The following MYO16 variants were observed in gnomAD, a reference collection of about 807,000 sequenced individuals.
MYO16 encodes myosin XVI.
A neutral mutation model predicts 205.3 loss-of-function variants in MYO16; 94 were observed. That is an observed-to-expected ratio of 0.46 (90% CI 0.39 to 0.54). MYO16 has a LOEUF of 0.54. Ranked by LOEUF, MYO16 falls within the 20% of genes least tolerant of loss-of-function variation. The pLI is 0.00. For synonymous variants in MYO16, 988 were observed against 954.0 expected, an observed-to-expected ratio of 1.04 and a Z score of -0.66; for missense variants, 2,315 against 2,387.5, an observed-to-expected ratio of 0.97 and a Z score of 0.63.
chr13:108,604,917 G>A (rs534620507), intron 1 of MYO16, among the ~76,000 whole-genome samples: 1 of 152,286 alleles, frequency 6.6e-6, no homozygotes, highest in Admixed American at 6.5e-5. Context: ...TTGGATGGAT[G>A]GATTGGTGGT....
chr13:108,552,590 T>A, the MYO16 span, among the ~76,000 whole-genome samples: 6 of 152,170 alleles, frequency 3.9e-5, no homozygotes, highest in African/African-American at 1.4e-4. Context: ...TGTTTGTGTA[T>A]CTTGCCTTTA....
intron 23 of MYO16, among the ~76,000 whole-genome samples, chr13:109,022,923 T>TTA (rs1454396329): frequency 7.4e-6 from 1 of 135,162 alleles, no homozygotes; most frequent in Non-Finnish European, 1.5e-5. Context: ...CATTTATATA[T>TTA]TATATACACA....
In MYO16 at chr13:109,021,534, A is replaced by G. The variant is rs61970227; in HGVS notation, c.2796+1623A>G. ...TACTTCTGAGTCTTGTGCCATCATAACAGACTGGTGGAAGCTAAAGAGCAA... is the reference window on the plus strand; with the variant it reads ...TACTTCTGAGTCTTGTGCCATCATAGCAGACTGGTGGAAGCTAAAGAGCAA... On this transcript the variant is annotated intron_variant, in intron 23 of 34. Transcript: ENST00000457511. Among the ~76,000 whole-genome samples, 1,154 of 152,268 alleles carry G rather than the reference A, an allele frequency of 7.6e-3. 9 individuals are homozygous for G. The highest frequency in any genetic ancestry group is 0.014 in the Non-Finnish European group (943 of 68,016).
intron 27 of MYO16, among the ~76,000 whole-genome samples, chr13:109,062,277 T>G (rs892754768): frequency 6.6e-6 from 1 of 152,176 alleles, no homozygotes; most frequent in Non-Finnish European, 1.5e-5. Context: ...GAGGATCGTA[T>G]CGTATTCATT....
chr13:108,632,182 A>T (rs554670028), intron 1 of MYO16, among the ~76,000 whole-genome samples: 26 of 151,514 alleles, frequency 1.7e-4, no homozygotes, highest in African/African-American at 6.1e-4. Flanking sequence ...GATGCGTAAG[A>T]TTTTCCCAAA....
In MYO16 at chr13:108,617,487, C is replaced by T. The variant is rs138953487; in HGVS notation, c.-39+21248C>T. Among the ~76,000 whole-genome samples the T allele has an allele frequency of 8.5e-5, 13 of 152,220 alleles. No individual in the cohort carries two copies. The East Asian group carries it at 2.1e-3, about 25-fold the overall frequency. On this transcript the variant is annotated intron_variant, in intron 1 of 24. Coordinates refer to the MYO16 transcript ENST00000251041. ...TGTGTATACCTGAGTAGTTTTACTC[C>T]TCCTCACTATAGCACTGAACAACCT... is the stretch of plus-strand genomic sequence containing the variant.
At chr13:109,143,341 C>T (rs1877189495) in intron 32 of MYO16, among the ~76,000 whole-genome samples, 1 of 152,084 alleles carries the variant, frequency 6.6e-6, no homozygotes, top group African/African-American at 2.4e-5. Context: ...GACAAATAAG[C>T]TAATTGTTTG....
At chr13:108,534,872 CCTT>C in the MYO16 span, among the ~76,000 whole-genome samples, 15 of 148,350 alleles carry the variant, frequency 1.0e-4, no homozygotes, top group South Asian at 2.2e-4. Flanking sequence ...TCCTTCTTCT[CCTT>C]CTTCTTCTTC....
chr13:108,656,269 A>T (rs1372806804), intron 1 of MYO16, among the ~76,000 whole-genome samples: 2 of 152,084 alleles, frequency 1.3e-5, no homozygotes, highest in Non-Finnish European at 2.9e-5. Context: ...AGGAGATCTG[A>T]TGGTTTTATC....
chr13:108,661,173 C>A (rs933015069), intron 1 of MYO16, among the ~76,000 whole-genome samples: 1 of 152,126 alleles, frequency 6.6e-6, no homozygotes, highest in African/African-American at 2.4e-5. Flanking sequence ...GATAGGTTTT[C>A]TTTCTTAGGT....
In MYO16 at chr13:109,140,898, G is replaced by C. The variant is rs80260507; in HGVS notation, c.4686G>C (p.Pro1562=). The C allele has an allele frequency of 0.09, 143,628 of 1,588,058 alleles. 7,389 individuals are homozygous for C. Among genetic ancestry groups the C allele is most frequent in the Non-Finnish European group, 0.1 (122,506 of 1,169,042 alleles). Residue 1562 remains proline, a synonymous_variant, in exon 32 of 35, where the codon CCG becomes CCC. Coordinates refer to ENST00000457511, the MANE Select transcript of MYO16 (RefSeq NM_001198950.3). This position sits in a 1 kb window ranked among gnomAD's most constrained non-coding sequence, Gnocchi z 8.0. The stretch of plus-strand genomic sequence containing the variant: ...CGGAGGGGTCGAGCCCGCTGTCCCC[G>C]CAGTACTCCAAGAGCCAGAAGGGCG... ...VQPEGSSPLS[P]QYSKSQKGDG... is the part of the protein sequence containing the mutation.
At chr13:109,085,363 C>T (rs1307877867) in intron 27 of MYO16, among the ~76,000 whole-genome samples, 1 of 152,086 alleles carries the variant, frequency 6.6e-6, no homozygotes, top group Non-Finnish European at 1.5e-5. Context: ...ACGACATAAA[C>T]TTTCGAGATG....
rs372504718 is a variant in MYO16 at position 108,922,888 on chromosome 13, C to T, written c.1925+12738C>T. 5.3e-5 allele frequency among the ~76,000 whole-genome samples: 8 copies of T among 152,082 alleles called. No homozygotes were observed. In the East Asian group the frequency reaches 9.6e-4, roughly 18 times the overall value. Reference sequence around the variant, plus strand: ...CACTGAGTTTAGGAGGGAGACTATACGAAAACCTTGACATATGTTATCTCC... The same window carrying T: ...CACTGAGTTTAGGAGGGAGACTATATGAAAACCTTGACATATGTTATCTCC... On this transcript the variant is annotated intron_variant, in intron 16 of 34. Coordinates refer to ENST00000457511, the MANE Select transcript of MYO16 (RefSeq NM_001198950.3).
At chr13:108,887,886 C>G (rs1879976059) in intron 13 of MYO16, among the ~76,000 whole-genome samples, 1 of 151,824 alleles carries the variant, frequency 6.6e-6, no homozygotes, top group Non-Finnish European at 1.5e-5. Flanking sequence ...CCTGTAAGGC[C>G]CATGAAGCAT....
intron 16 of MYO16, among the ~76,000 whole-genome samples, chr13:108,920,590 C>G (rs1365436247): frequency 6.6e-6 from 1 of 152,148 alleles, no homozygotes; most frequent in Non-Finnish European, 1.5e-5. Context: ...TCCCGAGTAG[C>G]TGGGATTACA....
intron 34 of MYO16, among the ~76,000 whole-genome samples, chr13:109,194,789 A>C (rs1880076996): frequency 6.6e-6 from 1 of 152,178 alleles, no homozygotes; most frequent in South Asian, 2.1e-4. Flanking sequence ...CAGTGGCATT[A>C]AAGATTTTTG....
chr13:108,903,355 A>G (rs1030008274), intron 15 of MYO16, among the ~76,000 whole-genome samples: 1 of 144,842 alleles, frequency 6.9e-6, no homozygotes, highest in Non-Finnish European at 1.5e-5. Context: ...TAGGAAAAAC[A>G]TCATGTATAC....
intron 3 of MYO16, among the ~76,000 whole-genome samples, chr13:108,724,720 G>C (rs569879332): frequency 1.1e-4 from 16 of 151,958 alleles, no homozygotes; most frequent in Non-Finnish European, 1.6e-4. Context: ...TGTTTCAGGT[G>C]GCATCCTACC....
chr13:108,765,590 T>G (rs1222436099), intron 4 of MYO16, among the ~76,000 whole-genome samples: 1 of 152,198 alleles, frequency 6.6e-6, no homozygotes, highest in Non-Finnish European at 1.5e-5. Flanking sequence ...CATGACTTTC[T>G]GTCTGCAGTA....
Sources: gnomAD v4.1 joint callset for allele counts (sites outside exome capture counted in the v4.1 genomes callset) on GRCh38, gnomAD v4.1.1 for gene constraint, Gnocchi (gnomAD v3.1) non-coding constraint, MANE v1.5 for transcripts, NCBI Gene and HGNC (gene_info 2026-07-23, HGNC 2026-07-21) for gene names.